ASAP1: variants seen among roughly 807,000 people sequenced by gnomAD.
ASAP1 encodes arf-GAP with SH3 domain, ANK repeat and PH domain-containing protein 1.
A neutral mutation model predicts 145.2 loss-of-function variants in ASAP1; 43 were observed. The ratio of observed to expected loss-of-function variants is 0.30; its 90% CI spans 0.23 to 0.38. ASAP1 has a LOEUF of 0.38. ASAP1 is among the 10% of genes least tolerant of loss of function. The pLI, the probability that ASAP1 is intolerant of heterozygous loss-of-function variation, is 1.00. For missense variants in ASAP1, 1,018 were observed against 1,355.3 expected (o/e 0.75, Z 3.91); for synonymous variants, 546 against 515.5 (o/e 1.06, Z -0.80).
intron 7 of ASAP1, among the ~76,000 whole-genome samples, chr8:130,186,389 C>T (rs529557735): frequency 6.6e-6 from 1 of 152,220 alleles, no homozygotes; most frequent in Admixed American, 6.5e-5. Flanking sequence ...GCTGCTATTG[C>T]TGCCTACAGA....
At chr8:130,434,391 C>CTAGG (rs1830236780) in intron 1 of ASAP1, among the ~76,000 whole-genome samples, 1 of 152,138 alleles carries the variant, frequency 6.6e-6, no homozygotes, top group African/African-American at 2.4e-5. Context: ...GGGAAGTTAG[C>CTAGG]TAGGCTCTGC....
chr8:130,341,129 A>G (rs1825357145), intron 3 of ASAP1, among the ~76,000 whole-genome samples: 1 of 152,136 alleles, frequency 6.6e-6, no homozygotes, highest in Non-Finnish European at 1.5e-5. Flanking sequence ...ATTACAGCAG[A>G]AGGTAAAGTC....
chr8:130,169,725 T>C (rs1813449967), intron 9 of ASAP1, among the ~76,000 whole-genome samples: 1 of 152,244 alleles, frequency 6.6e-6, no homozygotes, highest in Non-Finnish European at 1.5e-5. Context: ...TTTACACAAG[T>C]GATTTCATGT....
intron 2 of ASAP1, among the ~76,000 whole-genome samples, chr8:130,374,689 TGTTAAAG>T (rs1464065956): frequency 6.6e-6 from 1 of 152,202 alleles, no homozygotes; most frequent in Non-Finnish European, 1.5e-5. Flanking sequence ...GCAGCACAGA[TGTTAAAG>T]TTGCGCTGAG....
intron 5 of ASAP1, among the ~76,000 whole-genome samples, chr8:130,196,558 G>C (rs1304062541): frequency 2.0e-5 from 3 of 152,220 alleles, no homozygotes; most frequent in Admixed American, 6.5e-5. Flanking sequence ...TCTGACAGAA[G>C]AGCAGAGCAC....
chr8:130,350,942 G>A (rs1825958779), intron 3 of ASAP1, among the ~76,000 whole-genome samples: 1 of 152,248 alleles, frequency 6.6e-6, no homozygotes, highest in Non-Finnish European at 1.5e-5. Flanking sequence ...GACTAAGCAT[G>A]CCAGGGTGGA....
chr8:130,402,060 T>A (rs537462035), intron 1 of ASAP1, 90 bp from the exon 2 acceptor site: 5 of 806,686 alleles, frequency 6.2e-6, no homozygotes, highest in Non-Finnish European at 1.0e-5. Context: ...GGATTTCATA[T>A]GGAGGCTGCA....
rs758273262 is a variant in ASAP1 at position 130,373,017 on chromosome 8, CACAG to C, written c.60-14878_60-14875del. On this transcript the variant is annotated intron_variant, in intron 2 of 29. Transcript: ENST00000518721. Reference sequence around the variant, plus strand: ...ATACACAGACACAGACACACATACACACAGACACACACACACATACACACATACA... The same window carrying C: ...ATACACAGACACAGACACACATACACACACACACACACATACACACATACA... Among the ~76,000 whole-genome samples, 510 of 124,556 alleles carry C rather than the reference CACAG, an allele frequency of 4.1e-3. 2 individuals carry two copies. The highest frequency in any genetic ancestry group is 0.012 in the African/African-American group (472 of 37,888). 81.7% of individuals were successfully genotyped at this position (124,556 alleles called of 152,430 possible). A position where few individuals can be genotyped will look rare whatever the true frequency, so the allele number is the denominator to read the frequency against.
At chr8:130,357,326 C>T (rs922631272) in intron 3 of ASAP1, among the ~76,000 whole-genome samples, 12 of 152,238 alleles carry the variant, frequency 7.9e-5, no homozygotes, top group Non-Finnish European at 1.6e-4. Flanking sequence ...CTCCGATCTC[C>T]TTGTCCAGCC....
chr8:130,158,454 T>C (rs2097662425), intron 12 of ASAP1, among the ~76,000 whole-genome samples: 1 of 152,002 alleles, frequency 6.6e-6, no homozygotes, highest in Non-Finnish European at 1.5e-5. Flanking sequence ...ATTGGGAGGT[T>C]GTAGTGAGCT....
intron 3 of ASAP1, among the ~76,000 whole-genome samples, chr8:130,356,374 G>A (rs1826305746): frequency 6.6e-6 from 1 of 152,088 alleles, no homozygotes; most frequent in Admixed American, 6.5e-5. Flanking sequence ...CACATCCTTA[G>A]AAGTATATAC....
At chr8:130,261,226 T>C (rs1819876629) in intron 3 of ASAP1, among the ~76,000 whole-genome samples, 1 of 152,214 alleles carries the variant, frequency 6.6e-6, no homozygotes, top group Non-Finnish European at 1.5e-5. Flanking sequence ...TGGCGATGTA[T>C]GTGTACACAT....
rs150566939 is a variant in ASAP1, at chr8:130,189,509, T to C, written c.406-1326A>G. Among the ~76,000 whole-genome samples the C allele has an allele frequency of 1.1e-3, 166 of 152,362 alleles. 1 individual carries two copies. Among genetic ancestry groups the C allele is most frequent in the Non-Finnish European group, 1.9e-3 (127 of 68,032 alleles). On this transcript the variant is annotated intron_variant, in intron 5 of 29. Coordinates refer to ENST00000518721, the MANE Select transcript of ASAP1 (RefSeq NM_018482.4). Reference sequence around the variant, plus strand: ...GACTTTGTTTTTTATGGCTGAATAATATTCCATTGTGTATATATACTGTAT... The same window carrying C: ...GACTTTGTTTTTTATGGCTGAATAACATTCCATTGTGTATATATACTGTAT...
chr8:130,278,145 CTTT>C (rs1176196584), intron 3 of ASAP1, among the ~76,000 whole-genome samples: 1 of 151,578 alleles, frequency 6.6e-6, no homozygotes, highest in Non-Finnish European at 1.5e-5. Context: ...ACCATGAGTT[CTTT>C]AACTCTCTAT....
At chr8:130,058,151 T>C in intron 28 of ASAP1, 75 bp from the exon 29 acceptor site, 1 of 1,539,454 alleles carries the variant, frequency 6.5e-7, no homozygotes, top group South Asian at 1.1e-5. Flanking sequence ...CTTTGTAAAA[T>C]GGTTGACCTT....
chr8:130,180,908 A>T (rs577715595), intron 7 of ASAP1, 28 bp from the exon 8 acceptor site: 46 of 1,041,142 alleles, frequency 4.4e-5, no homozygotes, highest in South Asian at 8.1e-5. Context: ...GTCATTATTT[A>T]AAAAAAAAAA....
chr8:130,323,532 C>T (rs949020158), intron 3 of ASAP1, among the ~76,000 whole-genome samples: 2 of 152,198 alleles, frequency 1.3e-5, no homozygotes, highest in African/African-American at 4.8e-5. Context: ...AAAGTGACCA[C>T]ATTTCCAGTG....
intron 24 of ASAP1, among the ~76,000 whole-genome samples, chr8:130,100,046 G>C (rs1358454022): frequency 6.6e-6 from 1 of 152,112 alleles, no homozygotes; most frequent in African/African-American, 2.4e-5. Flanking sequence ...GAATTGCTCA[G>C]TGGTATGACA....
At chr8:130,369,949 T>C (rs1827134485) in intron 2 of ASAP1, among the ~76,000 whole-genome samples, 1 of 152,162 alleles carries the variant, frequency 6.6e-6, no homozygotes, top group Non-Finnish European at 1.5e-5. Context: ...CGTGACACTT[T>C]TGAGAGGTAA....
Sources: gnomAD v4.1 joint callset for allele counts (sites outside exome capture counted in the v4.1 genomes callset) on GRCh38, gnomAD v4.1.1 for gene constraint, MANE v1.5 for transcripts, NCBI Gene and HGNC (gene_info 2026-07-23, HGNC 2026-07-21) for gene names.